Variants in PDE3B observed in about 807,000 individuals in gnomAD.
The protein encoded by PDE3B is phosphodiesterase 3B, also known as cGMP-inhibited 3',5'-cyclic phosphodiesterase 3B.
PDE3B carries 66 observed loss-of-function variants against 116.8 expected under a neutral mutation model. That is an observed-to-expected ratio of 0.56 (90% confidence interval 0.46 to 0.69). PDE3B has a LOEUF of 0.69. Among genes scored for constraint, PDE3B ranks in the 30% least tolerant of loss-of-function variants. The pLI is 0.00. For missense variants in PDE3B, 1,384 were observed against 1,368.1 expected (o/e 1.01, Z -0.18); for synonymous variants, 595 against 533.6 (o/e 1.12, Z -1.59).
chr11:14,661,490 G>A (rs1853907508), intron 1 of PDE3B, among the ~76,000 whole-genome samples: 1 of 152,186 alleles, frequency 6.6e-6, no homozygotes, highest in Non-Finnish European at 1.5e-5. Flanking sequence ...TGCACGAGCC[G>A]AAGCAGGGTG....
intron 12 of PDE3B, among the ~76,000 whole-genome samples, chr11:14,851,589 G>T (rs1847756082): frequency 6.6e-6 from 1 of 151,614 alleles, no homozygotes; most frequent in South Asian, 2.1e-4. Context: ...TTTATTAATA[G>T]CTCATGATTT....
chr11:14,731,846 G>T (rs926491252), intron 1 of PDE3B, among the ~76,000 whole-genome samples: 1 of 152,138 alleles, frequency 6.6e-6, no homozygotes, highest in South Asian at 2.1e-4. Context: ...TAAATCAGAC[G>T]ATTTCTGCTG....
rs116242744 is a variant in PDE3B at position 14,859,752 on chromosome 11, T to C, written c.2724+506T>C. Among the ~76,000 whole-genome samples, 713 of 152,206 alleles carry C rather than the reference T, an allele frequency of 4.7e-3. 4 individuals are homozygous for C. The highest frequency in any genetic ancestry group is 0.016 in the African/African-American group (650 of 41,530). On this transcript the variant is annotated intron_variant, in intron 13 of 15. Transcript: ENST00000282096. ...CCCTCTTCTACTTGAGAATAATTCATTCATTCAACAAGTATTTATTGGGAT... is the reference window on the plus strand; with the variant it reads ...CCCTCTTCTACTTGAGAATAATTCACTCATTCAACAAGTATTTATTGGGAT...
At chr11:14,724,466 A>C (rs1451677) in intron 1 of PDE3B, among the ~76,000 whole-genome samples, 54,173 of 152,058 alleles carry the variant, frequency 0.36, 11,092 homozygotes, top group South Asian at 0.46. Flanking sequence ...CAAAATCTGA[A>C]GCTTTTTGAA....
intron 1 of PDE3B, among the ~76,000 whole-genome samples, chr11:14,721,906 C>T (rs1856109711): frequency 7.1e-6 from 1 of 139,994 alleles, no homozygotes; most frequent in Admixed American, 7.3e-5. Context: ...GCACATGTAC[C>T]CTAAAACTTA....
intron 5 of PDE3B, among the ~76,000 whole-genome samples, chr11:14,812,181 G>T (rs982729560): frequency 1.3e-5 from 2 of 152,068 alleles, no homozygotes; most frequent in Non-Finnish European, 2.9e-5. Flanking sequence ...ATTAGATAGT[G>T]GTGATAGTTG....
chr11:14,737,814 T>C (rs1856644727), intron 1 of PDE3B, among the ~76,000 whole-genome samples: 1 of 124,404 alleles, frequency 8.0e-6, no homozygotes, highest in Non-Finnish European at 1.6e-5. Flanking sequence ...TTCCCCTTCC[T>C]GTGTCCATGT....
Position 14,786,589 on chromosome 11 carries a change from T to G in PDE3B, c.1182T>G (p.Cys394Trp). 6.2e-7 allele frequency: 1 copy of G among 1,613,032 alleles called. No homozygotes were observed. Among genetic ancestry groups the G allele is most frequent in the South Asian group, 1.1e-5 (1 of 91,054 alleles). Reference protein sequence around the residue: ...SSLMGAFSGSCRPKINPLTPF... With the variant: ...SSLMGAFSGSWRPKINPLTPF... ...TAATGGGTGCTTTCTCAGGTTCCTG[T>G]AGGCCAAAGATTAATCCTCTCACAC... is the stretch of plus-strand genomic sequence containing the variant. The change falls in exon 3 of 16, where the codon TGT becomes TGG. Residue 394 changes from cysteine to tryptophan, a missense_variant. By Grantham distance (215) the Cys-to-Trp change is radical. Around this residue, in one of 2 missense-constraint regions of PDE3B, gnomAD observed 956 missense variants for 806.8 expected, o/e 1.18. Coordinates refer to ENST00000282096, the MANE Select transcript of PDE3B (RefSeq NM_000922.4).
intron 3 of PDE3B, among the ~76,000 whole-genome samples, chr11:14,787,101 A>T (rs888393224): frequency 6.6e-6 from 1 of 152,058 alleles, no homozygotes; most frequent in African/African-American, 2.4e-5. Context: ...TTTTAAAATG[A>T]TTTTTAAGTT....
chr11:14,757,036 AGT>A lies in PDE3B; in HGVS notation c.979-14899_979-14898del, dbSNP rs1194799144. Among the ~76,000 whole-genome samples the A allele has an allele frequency of 2.0e-5, 3 of 146,742 alleles. No homozygotes were observed. The East Asian group carries it at 6.0e-4, about 29-fold the overall frequency. On this transcript the variant is annotated intron_variant, in intron 1 of 15. Coordinates refer to ENST00000282096, the MANE Select transcript of PDE3B (RefSeq NM_000922.4). ...TCTCATTGTTCAATTCCCACCTATG[AGT>A]GAGAATATGTGGTGTTTGGTTTTTT...
intron 1 of PDE3B, among the ~76,000 whole-genome samples, chr11:14,748,876 T>C (rs1242232760): frequency 6.6e-6 from 1 of 151,664 alleles, no homozygotes; most frequent in African/African-American, 2.4e-5. Context: ...GTCTATAGCC[T>C]TTCTCTTTTC....
At chr11:14,873,495 T>G (rs1391530056), downstream of PDE3B, among the ~76,000 whole-genome samples, 1 of 152,178 alleles carries the variant, frequency 6.6e-6, no homozygotes, top group Non-Finnish European at 1.5e-5. Context: ...GTAAGAAAGA[T>G]AATAAGGGTG....
At chr11:14,653,721 G>A (rs1017984047) in intron 1 of PDE3B, among the ~76,000 whole-genome samples, 6 of 152,122 alleles carry the variant, frequency 3.9e-5, no homozygotes, top group Non-Finnish European at 8.8e-5. Context: ...GTCGCTGGCC[G>A]AGTGTGGTGG....
intron 1 of PDE3B, among the ~76,000 whole-genome samples, chr11:14,656,890 G>T (rs918629246): frequency 6.6e-6 from 1 of 152,050 alleles, no homozygotes; most frequent in Non-Finnish European, 1.5e-5. Context: ...TTATTGTCTC[G>T]ATACTTCTCT....
chr11:14,786,990 C>T (rs1257379833), intron 3 of PDE3B, among the ~76,000 whole-genome samples: 1 of 151,892 alleles, frequency 6.6e-6, no homozygotes, highest in African/African-American at 2.4e-5. Context: ...AGTCAGATCA[C>T]GTTATTGCTC....
At chr11:14,659,807 G>A (rs1057319218) in intron 1 of PDE3B, among the ~76,000 whole-genome samples, 7 of 152,022 alleles carry the variant, frequency 4.6e-5, no homozygotes, top group Admixed American at 4.6e-4. Flanking sequence ...TTTCTATTAT[G>A]TTTACCCCTA....
chr11:14,662,053 C>T (rs1170058062), intron 1 of PDE3B, among the ~76,000 whole-genome samples: 2 of 152,138 alleles, frequency 1.3e-5, no homozygotes, highest in African/African-American at 4.8e-5. Context: ...CTGGGAGGCA[C>T]CCCCAAGTAG....
chr11:14,679,650 A>C (rs1854637812), intron 1 of PDE3B, among the ~76,000 whole-genome samples: 1 of 150,790 alleles, frequency 6.6e-6, no homozygotes, highest in African/African-American at 2.4e-5. Flanking sequence ...ACTCTGAAGG[A>C]CTCTCTTCTG....
intron 14 of PDE3B, among the ~76,000 whole-genome samples, chr11:14,865,677 A>G (rs1848031420): frequency 6.6e-6 from 1 of 152,142 alleles, no homozygotes; most frequent in Non-Finnish European, 1.5e-5. Flanking sequence ...GTAAATGGCT[A>G]TATTTACCTA....
Sources: gnomAD v4.1 joint callset for allele counts (sites outside exome capture counted in the v4.1 genomes callset) on GRCh38, gnomAD v4.1.1 for gene constraint, gnomAD v4.1.1 regional missense constraint, MANE v1.5 for transcripts, NCBI Gene and HGNC (gene_info 2026-07-23, HGNC 2026-07-21) for gene names.